The following SCIN variants were observed in gnomAD, a reference collection of about 807,000 sequenced individuals.
The protein encoded by SCIN is scinderin.
A neutral mutation model predicts 91.8 loss-of-function variants in SCIN; 91 were observed. The ratio of observed to expected loss-of-function variants is 0.99; its 90% confidence interval spans 0.84 to 1.18. SCIN has a LOEUF of 1.18. SCIN is among the 50% of genes most tolerant of loss of function. The pLI is 0.00. For synonymous variants in SCIN, 367 were observed against 312.6 expected (o/e 1.17, Z -1.84); for missense variants, 1,087 against 863.9 (o/e 1.26, Z -3.24).
At chr7:12,626,526 A>C (rs1783524836) in intron 7 of SCIN, 58 bp from the exon 8 acceptor site, 1 of 1,293,314 alleles carries the variant, frequency 7.7e-7, no homozygotes, top group Non-Finnish European at 1.1e-6. Context: ...TGCCAGATTC[A>C]TATTTTCCCT....
chr7:12,624,312 T>C (rs1783468453), intron 5 of SCIN, among the ~76,000 whole-genome samples: 1 of 152,230 alleles, frequency 6.6e-6, no homozygotes, highest in South Asian at 2.1e-4. Flanking sequence ...TGAAAACCAG[T>C]AAATCCTAAC....
At position 12,636,029 on chromosome 7, in the gene SCIN, A is replaced by G. The variant is rs761729711; in HGVS notation, c.1320-16A>G. 4.4e-6 allele frequency: 7 copies of G among 1,601,380 alleles called. No homozygotes were observed. In the Admixed American group the frequency reaches 1.2e-4, roughly 27 times the overall value. On this transcript the variant is annotated splice_polypyrimidine_tract_variant and intron_variant, in intron 9 of 15. Transcript: ENST00000297029. Reference sequence around the variant, plus strand: ...ACTTAAAGGCAAGCTAATTCGTTTCACTTTCATTCCTCTAGGCAAGGAGCA... The same window carrying G: ...ACTTAAAGGCAAGCTAATTCGTTTCGCTTTCATTCCTCTAGGCAAGGAGCA...
intron 4 of SCIN, among the ~76,000 whole-genome samples, chr7:12,622,023 TTAAAA>T (rs1783420332): frequency 6.6e-6 from 1 of 151,874 alleles, no homozygotes; most frequent in African/African-American, 2.4e-5. Flanking sequence ...ATTAAATTAT[TTAAAA>T]TAAGTTTATA....
chr7:12,636,267 A>C (rs770373966), intron 10 of SCIN, 132 bp downstream of exon 10: 51 of 629,066 alleles, frequency 8.1e-5, no homozygotes, highest in Non-Finnish European at 1.3e-4. Context: ...TCATTTTGAA[A>C]TTCAAATATT....
intron 9 of SCIN, among the ~76,000 whole-genome samples, chr7:12,632,370 G>A (rs1379133487): frequency 1.3e-5 from 2 of 151,888 alleles, no homozygotes; most frequent in African/African-American, 2.4e-5. Context: ...ACCTCAAGTG[G>A]TCCACCTGCC....
chr7:12,634,629 A>G (rs1270736979), intron 9 of SCIN, among the ~76,000 whole-genome samples: 2 of 152,242 alleles, frequency 1.3e-5, no homozygotes, highest in Non-Finnish European at 2.9e-5. Context: ...CCACTAGTCA[A>G]ATAGAAATGG....
At chr7:12,582,947 A>G (rs1462831452) in intron 3 of SCIN, among the ~76,000 whole-genome samples, 1 of 152,154 alleles carries the variant, frequency 6.6e-6, no homozygotes, top group East Asian at 1.9e-4. Flanking sequence ...TGGCATTTTT[A>G]TTAGAAAAAG....
rs147022493 is a variant in SCIN at position 12,604,925 on chromosome 7, A to G, written c.666+262A>G. On this transcript the variant is annotated intron_variant, in intron 4 of 15. Coordinates refer to ENST00000297029, the MANE Select transcript of SCIN (RefSeq NM_001112706.3). The stretch of plus-strand genomic sequence containing the variant: ...GAGCCCTGGGCCTATCTTCTATAGT[A>G]TATGAGGTGAAACAAATGAGTGACA... 2.6e-3 allele frequency among the ~76,000 whole-genome samples: 393 copies of G among 152,316 alleles called. 6 individuals are homozygous for G. The highest frequency in any genetic ancestry group is 8.9e-3 in the African/African-American group (370 of 41,536).
chr7:12,651,467 G>A lies in SCIN; in HGVS notation c.1960-374G>A, dbSNP rs565121840. Among the ~76,000 whole-genome samples the A allele has an allele frequency of 3.4e-4, 51 of 152,154 alleles. No homozygotes were observed. The highest frequency in any genetic ancestry group is 2.5e-3 in the Admixed American group (38 of 15,278). On this transcript the variant is annotated intron_variant, in intron 14 of 15. Coordinates refer to ENST00000297029, the MANE Select transcript of SCIN (RefSeq NM_001112706.3). The surrounding 1 kb of genome is among the most constrained non-coding windows in gnomAD (Gnocchi z 5.9). ...CGAAATATGTCAAAGAAGTGTATTC[G>A]GAGGTGAAATATTTTGGTTTCCTTC...
chr7:12,622,982 T>A, intron 5 of SCIN, 89 bp downstream of exon 5: 2 of 806,296 alleles, frequency 2.5e-6, no homozygotes, highest in Non-Finnish European at 4.0e-6. Flanking sequence ...GTTGCTGCAG[T>A]TGAGAACTCT....
At chr7:12,584,515 T>C (rs1782549199) in intron 3 of SCIN, among the ~76,000 whole-genome samples, 1 of 152,190 alleles carries the variant, frequency 6.6e-6, no homozygotes, top group Admixed American at 6.5e-5. Flanking sequence ...TAGTAAATAT[T>C]CCCGGACATT....
chr7:12,656,050 A>G lies in SCIN; in HGVS notation c.*3335A>G, dbSNP rs1005267445. 29 of 152,198 alleles carry G rather than the reference A, an allele frequency of 1.9e-4. No homozygotes were observed. Among genetic ancestry groups the G allele is most frequent in the African/African-American group, 6.8e-4 (28 of 41,438 alleles). 9.4% of individuals were successfully genotyped at this position (152,198 alleles called of 1,614,324 possible). A position where few individuals can be genotyped will look rare whatever the true frequency, so the allele number is the denominator to read the frequency against. On this transcript the variant is annotated 3_prime_UTR_variant, in exon 16 of 16. Coordinates refer to ENST00000297029, the MANE Select transcript of SCIN (RefSeq NM_001112706.3). ...GATCCTCTGTATCTTCTCAAGCACA[A>G]TCCTCAGTGTTCTCTTCTCGTCTTA... is the stretch of plus-strand genomic sequence containing the variant.
Position 12,657,517 on chromosome 7 carries a change from T to C in SCIN, c.*4802T>C, listed in dbSNP as rs954815459. On this transcript the variant is annotated 3_prime_UTR_variant, in exon 16 of 16. Transcript: ENST00000297029. The stretch of plus-strand genomic sequence containing the variant: ...AGCCACCGCATCTGGACACGAATTT[T>C]TAAGTTTTATATATGTGTGTGTATA... The C allele has an allele frequency of 2.9e-5, 4 of 136,700 alleles. No homozygotes were observed. Among genetic ancestry groups the C allele is most frequent in the Non-Finnish European group, 6.3e-5 (4 of 63,830 alleles). 8.5% of individuals were successfully genotyped at this position (136,700 alleles called of 1,614,324 possible).
chr7:12,624,916 A>T lies in SCIN; in HGVS notation c.760-94A>T, dbSNP rs1430458026. ...AATTCAATGCTTTTTATTTGATGAC[A>T]TTTACCGAGTTGTACAACCATTACC... On this transcript the variant is annotated intron_variant, in intron 5 of 15. Coordinates refer to ENST00000297029, the MANE Select transcript of SCIN (RefSeq NM_001112706.3). 3 of 1,252,764 alleles carry T rather than the reference A, an allele frequency of 2.4e-6. No individual in the cohort carries two copies. The African/African-American group carries it at 4.6e-5, about 19-fold the overall frequency. The allele number at this position is 1,252,764 out of a possible 1,614,324, so 77.6% of individuals were successfully genotyped here.
chr7:12,581,273 G>A (rs2115211788), intron 3 of SCIN, 52 bp downstream of exon 3: 2 of 1,511,466 alleles, frequency 1.3e-6, no homozygotes, highest in Non-Finnish European at 9.0e-7. Flanking sequence ...ATTGCTTTCG[G>A]ATCAAATCAT....
chr7:12,588,614 C>T (rs1256605020), intron 3 of SCIN, among the ~76,000 whole-genome samples: 1 of 151,808 alleles, frequency 6.6e-6, no homozygotes, highest in Non-Finnish European at 1.5e-5. Context: ...AACCTTACCA[C>T]ATATCATCTC....
In SCIN at chr7:12,644,655, GACCATCC is replaced by G; in HGVS notation, c.1835_1841del (p.His612LeufsTer27). The G allele has an allele frequency of 6.2e-7, 1 of 1,600,086 alleles. No homozygotes were observed. The highest frequency in any genetic ancestry group is 8.5e-7 in the Non-Finnish European group (1 of 1,172,896). On this transcript the variant is annotated frameshift_variant, in exon 13 of 16. Coordinates refer to ENST00000297029, the MANE Select transcript of SCIN (RefSeq NM_001112706.3). LOFTEE classifies it high-confidence loss of function. The stretch of plus-strand genomic sequence containing the variant: ...ACCACTACTGGAAACCCAGGCTGAA[GACCATCC>G]ACCTCGGCTTTACGGCTGCTCTAAC...
chr7:12,636,491 C>T (rs1783754446), intron 10 of SCIN, among the ~76,000 whole-genome samples: 1 of 152,076 alleles, frequency 6.6e-6, no homozygotes, highest in Non-Finnish European at 1.5e-5. Context: ...AATAATGCCC[C>T]CAAGGTGTTC....
At chr7:12,571,612 G>A (rs1304010347) in intron 1 of SCIN, 5 of 467,548 alleles carry the variant, frequency 1.1e-5, no homozygotes, top group South Asian at 4.7e-5. Context: ...GGAAGCTGGC[G>A]TCCTCAGATA....
Sources: gnomAD v4.1 joint callset for allele counts (sites outside exome capture counted in the v4.1 genomes callset) on GRCh38, gnomAD v4.1.1 for gene constraint, Gnocchi (gnomAD v3.1) non-coding constraint, MANE v1.5 for transcripts, NCBI Gene and HGNC (gene_info 2026-07-23, HGNC 2026-07-21) for gene names.